The following EEPD1 variants were observed in gnomAD, a reference collection of about 807,000 sequenced individuals.
EEPD1 encodes the protein endonuclease/exonuclease/phosphatase family domain-containing protein 1.
A neutral mutation model predicts 46.3 loss-of-function variants in EEPD1; 17 were observed. That is an observed-to-expected ratio of 0.37 (90% CI 0.25 to 0.55). EEPD1 has a LOEUF of 0.55. Ranked by LOEUF, EEPD1 falls within the 20% of genes least tolerant of loss-of-function variation. EEPD1 has a pLI of 0.83. For missense variants in EEPD1, 673 were observed against 745.6 expected (o/e 0.90, Z 1.13); for synonymous variants, 313 against 315.6 (o/e 0.99, Z 0.09).
chr7:36,201,884 C>G (rs1332104051), intron 2 of EEPD1, among the ~76,000 whole-genome samples: 2 of 152,214 alleles, frequency 1.3e-5, no homozygotes, highest in Non-Finnish European at 2.9e-5. Flanking sequence ...CCTCAGCTGT[C>G]TTTTTGTGAG....
chr7:36,202,209 A>C (rs1312634418), intron 2 of EEPD1, among the ~76,000 whole-genome samples: 1 of 152,176 alleles, frequency 6.6e-6, no homozygotes, highest in Non-Finnish European at 1.5e-5. Flanking sequence ...GAGAAATGTG[A>C]AGATGGGTTA....
intron 2 of EEPD1, among the ~76,000 whole-genome samples, chr7:36,205,187 A>G (rs902499272): frequency 6.6e-6 from 1 of 152,170 alleles, no homozygotes; most frequent in East Asian, 1.9e-4. Flanking sequence ...TAGAGACAAC[A>G]CAAACAGGCA....
chr7:36,188,583 A>G (rs1420189), intron 2 of EEPD1, among the ~76,000 whole-genome samples: 130,534 of 152,116 alleles, frequency 0.86, 56,623 homozygotes, highest in Middle Eastern at 0.93. Context: ...AAGCGGGCGC[A>G]GGGTGGGGGT....
chr7:36,197,915 A>T (rs574486069), intron 2 of EEPD1, among the ~76,000 whole-genome samples: 1 of 152,070 alleles, frequency 6.6e-6, no homozygotes, highest in East Asian at 2.0e-4. Context: ...AAAAATAAAA[A>T]AAAATATGGA....
At chr7:36,176,551 G>C (rs1785183885) in intron 2 of EEPD1, among the ~76,000 whole-genome samples, 1 of 152,196 alleles carries the variant, frequency 6.6e-6, no homozygotes, top group African/African-American at 2.4e-5. Flanking sequence ...TATTCTCAGG[G>C]TTGGTGATAC....
At chr7:36,257,140 A>C (rs1479269955) in intron 3 of EEPD1, among the ~76,000 whole-genome samples, 2 of 152,204 alleles carry the variant, frequency 1.3e-5, no homozygotes, top group Non-Finnish European at 2.9e-5. Flanking sequence ...AGAATGTTGA[A>C]TATTGGCCCC....
In EEPD1 at chr7:36,284,700, A is replaced by G. The variant is rs751050303; in HGVS notation, c.1056A>G (p.Ala352=). ...SSQLQKGAGY[A]GFLWDAAAGM... ...CTCCGCTGCAGGGAGCTGGGTATGC[A>G]GGATTCCTATGGGACGCGGCTGCCG... Residue 352 remains alanine (A), a synonymous_variant, in exon 5 of 8, where the codon GCA becomes GCG. Transcript: ENST00000242108. 4.3e-6 allele frequency: 7 copies of G among 1,612,350 alleles called. No individual in the cohort carries two copies. Among genetic ancestry groups the G allele is most frequent in the African/African-American group, 1.3e-5 (1 of 74,878 alleles).
At chr7:36,210,735 T>C (rs142821388) in intron 2 of EEPD1, among the ~76,000 whole-genome samples, 5 of 152,328 alleles carry the variant, frequency 3.3e-5, no homozygotes, top group African/African-American at 9.6e-5. Context: ...TGCCTCCGCG[T>C]AGACCTTTTC....
rs1787598879 is a variant in EEPD1 at position 36,300,246 on chromosome 7, G to A, written c.*1040G>A. On this transcript the variant is annotated 3_prime_UTR_variant, in exon 8 of 8. Transcript: ENST00000242108. Reference sequence around the variant, plus strand: ...GGACAGTTGGTTGTGGGGCTGGAGAGAGGTTGTGGGGAGGAAGCGAGGATG... The same window carrying A: ...GGACAGTTGGTTGTGGGGCTGGAGAAAGGTTGTGGGGAGGAAGCGAGGATG... 1 of 152,314 alleles carries A rather than the reference G, an allele frequency of 6.6e-6. No homozygotes were observed. The allele number at this position is 152,314 out of a possible 1,614,324, so 9.4% of individuals were successfully genotyped here.
Position 36,299,290 on chromosome 7 carries a change from A to G in EEPD1, c.*84A>G. 1 of 1,447,852 alleles carries G rather than the reference A, an allele frequency of 6.9e-7. No homozygotes were observed. The highest frequency in any genetic ancestry group is 2.5e-5 in the East Asian group (1 of 40,744). The allele number at this position is 1,447,852 out of a possible 1,614,324, so 89.7% of individuals were successfully genotyped here. On this transcript the variant is annotated 3_prime_UTR_variant, in exon 8 of 8. Transcript: ENST00000242108. ...CCTGTGGGGTGACGCTTCAGGGCAG[A>G]GCTGCCTTTTAATTTTTATTCTCAG...
intron 2 of EEPD1, among the ~76,000 whole-genome samples, chr7:36,207,438 G>A (rs1249492806): frequency 1.3e-5 from 2 of 152,186 alleles, no homozygotes; most frequent in Non-Finnish European, 2.9e-5. Flanking sequence ...TCTGACCCTG[G>A]TATGTCCATT....
intron 2 of EEPD1, among the ~76,000 whole-genome samples, chr7:36,171,733 CTATA>C (rs1785087439): frequency 6.6e-6 from 1 of 152,128 alleles, no homozygotes; most frequent in Non-Finnish European, 1.5e-5. Flanking sequence ...GGAAGTGTAC[CTATA>C]TATACAGTTG....
chr7:36,264,684 G>A (rs1286557953), intron 3 of EEPD1, among the ~76,000 whole-genome samples: 1 of 152,158 alleles, frequency 6.6e-6, no homozygotes, highest in African/African-American at 2.4e-5. Context: ...TATGTTGGAG[G>A]GAGCCAGAAA....
At chr7:36,194,588 T>C (rs1026420617) in intron 2 of EEPD1, among the ~76,000 whole-genome samples, 13 of 152,142 alleles carry the variant, frequency 8.5e-5, no homozygotes, top group African/African-American at 3.1e-4. Flanking sequence ...CTTGTGAACA[T>C]TCATCTCAGA....
At chr7:36,246,636 C>T (rs555654667) in intron 3 of EEPD1, among the ~76,000 whole-genome samples, 1 of 152,200 alleles carries the variant, frequency 6.6e-6, no homozygotes, top group South Asian at 2.1e-4. Context: ...CCCCACTGCT[C>T]CTTTTGCCAA....
chr7:36,188,858 C>G (rs2726059), intron 2 of EEPD1, among the ~76,000 whole-genome samples: 137,935 of 152,176 alleles, frequency 0.91, 63,003 homozygotes, highest in Non-Finnish European at 0.97. Flanking sequence ...AGGCCCATGG[C>G]TTACTTCTGG....
At chr7:36,168,295 AG>A (rs1316398038) in intron 2 of EEPD1, among the ~76,000 whole-genome samples, 1 of 152,238 alleles carries the variant, frequency 6.6e-6, no homozygotes, top group Admixed American at 6.5e-5. Flanking sequence ...TACTTCAGTG[AG>A]GTGAGTAAAC....
At chr7:36,197,501 A>G (rs1240595965) in intron 2 of EEPD1, among the ~76,000 whole-genome samples, 1 of 152,216 alleles carries the variant, frequency 6.6e-6, no homozygotes, top group Admixed American at 6.5e-5. Flanking sequence ...AGATTGAGAA[A>G]TTGGATGGTT....
intron 3 of EEPD1, among the ~76,000 whole-genome samples, chr7:36,244,306 A>G (rs576536430): frequency 3.9e-4 from 59 of 152,312 alleles, no homozygotes; most frequent in African/African-American, 1.2e-3. Context: ...GCTATTCTAA[A>G]GGGGCCATTT....
Sources: allele counts gnomAD v4.1 joint callset (sites outside exome capture counted in the v4.1 genomes callset), GRCh38; gene constraint gnomAD v4.1.1; transcripts MANE v1.5; gene names NCBI Gene and HGNC (gene_info 2026-07-23, HGNC 2026-07-21).